TAFA1: variants seen among roughly 807,000 people sequenced by gnomAD.
The protein encoded by TAFA1 is TAFA chemokine like family member 1.
Under a neutral mutation model 18.5 loss-of-function variants are expected in TAFA1, and 4 were observed. The observed-to-expected ratio is 0.22, with a 90% CI of 0.11 to 0.49. The LOEUF (loss-of-function observed/expected upper bound fraction) is 0.49, where lower values mean the gene tolerates loss of function less well. Among genes scored for constraint, TAFA1 ranks in the 20% least tolerant of loss-of-function variants. The probability of loss-of-function intolerance (pLI) is 0.98; values close to 1 mark genes in which losing one functional copy is unlikely to be tolerated. For synonymous variants in TAFA1, 56 were observed against 55.2 expected (o/e 1.01, Z -0.06); for missense variants, 147 against 169.0 (o/e 0.87, Z 0.72).
rs2073427640 is a variant in TAFA1, at chr3:68,544,625, G to C, written c.*122G>C. 4.1e-6 allele frequency: 4 copies of C among 971,546 alleles called. No homozygotes were observed. The highest frequency in any genetic ancestry group is 4.8e-6 in the Non-Finnish European group (3 of 621,480). 60.2% of individuals were successfully genotyped at this position (971,546 alleles called of 1,614,324 possible). A position where few individuals can be genotyped will look rare whatever the true frequency, so the allele number is the denominator to read the frequency against. ...TTACTTGCACTTTGACTGGCTACCA[G>C]ATAATCACAGTGCGTTTACTGTGTG... is the stretch of plus-strand genomic sequence containing the variant. On this transcript the variant is annotated 3_prime_UTR_variant, in exon 5 of 5. Transcript: ENST00000478136.
At chr3:68,330,089 C>G (rs192737932) in intron 2 of TAFA1, among the ~76,000 whole-genome samples, 1 of 152,242 alleles carries the variant, frequency 6.6e-6, no homozygotes, top group Admixed American at 6.5e-5. Flanking sequence ...TGTATCAGTA[C>G]CACTTATATA....
At chr3:68,308,576 T>C (rs1311589067) in intron 2 of TAFA1, among the ~76,000 whole-genome samples, 1 of 152,172 alleles carries the variant, frequency 6.6e-6, no homozygotes, top group African/African-American at 2.4e-5. Flanking sequence ...TCTTATTTAC[T>C]ACTTTGTTCA....
intron 2 of TAFA1, among the ~76,000 whole-genome samples, chr3:68,202,503 C>G (rs1020100081): frequency 3.3e-5 from 5 of 151,622 alleles, no homozygotes; most frequent in African/African-American, 4.8e-5. Flanking sequence ...ATTCTCTCTC[C>G]TTTCTTTAGC....
chr3:68,180,760 G>T (rs2066188378), intron 2 of TAFA1, among the ~76,000 whole-genome samples: 1 of 151,422 alleles, frequency 6.6e-6, no homozygotes, highest in Non-Finnish European at 1.5e-5. Flanking sequence ...CACCTATGTG[G>T]TAGGCAGCTT....
chr3:68,351,043 G>T (rs1308538359), intron 2 of TAFA1, among the ~76,000 whole-genome samples: 2 of 152,108 alleles, frequency 1.3e-5, no homozygotes, highest in Non-Finnish European at 2.9e-5. Context: ...CCCACCTTTG[G>T]ATGCTCATTG....
chr3:68,232,776 T>C (rs1179651275), intron 2 of TAFA1, among the ~76,000 whole-genome samples: 1 of 152,096 alleles, frequency 6.6e-6, no homozygotes, highest in African/African-American at 2.4e-5. Flanking sequence ...TGGCTAATTT[T>C]TAATATTTGT....
intron 2 of TAFA1, among the ~76,000 whole-genome samples, chr3:68,137,276 A>AT (rs1175639676): frequency 1.3e-5 from 2 of 151,330 alleles, no homozygotes; most frequent in Non-Finnish European, 2.9e-5. Context: ...CAAAGGTTCT[A>AT]TTTTTTGTTG....
At chr3:68,099,396 G>GA (rs1266004323) in intron 2 of TAFA1, among the ~76,000 whole-genome samples, 2 of 151,990 alleles carry the variant, frequency 1.3e-5, no homozygotes, top group Non-Finnish European at 2.9e-5. Flanking sequence ...ACAAATATAT[G>GA]AAAAAAATGC....
At chr3:68,283,728 T>C (rs370620706) in intron 2 of TAFA1, among the ~76,000 whole-genome samples, 1 of 152,196 alleles carries the variant, frequency 6.6e-6, no homozygotes, top group Admixed American at 6.5e-5. Context: ...TTCCTAGCTA[T>C]CCTACCTCAC....
intron 2 of TAFA1, among the ~76,000 whole-genome samples, chr3:68,392,433 T>A (rs2070280819): frequency 6.6e-6 from 1 of 152,102 alleles, no homozygotes; most frequent in Non-Finnish European, 1.5e-5. Flanking sequence ...TACCCCACTG[T>A]CAATATCAGA....
rs2065847857 is a variant in TAFA1, at chr3:68,154,803, A to G, written c.118+148059A>G. On this transcript the variant is annotated intron_variant, in intron 2 of 4. Transcript: ENST00000478136. ...CACCCCACACACTTCTATTCTCCCCAGTGCCCTTGGGACATTGTTTAACTT... is the reference window on the plus strand; with the variant it reads ...CACCCCACACACTTCTATTCTCCCCGGTGCCCTTGGGACATTGTTTAACTT... Among the ~76,000 whole-genome samples the G allele has an allele frequency of 2.6e-5, 4 of 152,222 alleles. No homozygotes were observed. The South Asian group carries it at 8.3e-4, about 32-fold the overall frequency.
At chr3:68,528,834 G>C (rs1370030375) in intron 3 of TAFA1, among the ~76,000 whole-genome samples, 3 of 152,090 alleles carry the variant, frequency 2.0e-5, no homozygotes. Context: ...CTCTCACTTA[G>C]TGAAGAATTG....
At chr3:68,469,079 G>A (rs992321503) in intron 3 of TAFA1, among the ~76,000 whole-genome samples, 2 of 151,964 alleles carry the variant, frequency 1.3e-5, no homozygotes, top group African/African-American at 2.4e-5. Context: ...GCTGGCAAAG[G>A]CTTAAGAGGT....
chr3:68,349,374 A>G (rs2069223310), intron 2 of TAFA1, among the ~76,000 whole-genome samples: 1 of 152,040 alleles, frequency 6.6e-6, no homozygotes, highest in African/African-American at 2.4e-5. Flanking sequence ...ATATTCTCTT[A>G]TGAAAAGGTG....
At chr3:68,096,668 C>T (rs1445749527) in intron 2 of TAFA1, among the ~76,000 whole-genome samples, 1 of 152,086 alleles carries the variant, frequency 6.6e-6, no homozygotes, top group East Asian at 1.9e-4. Context: ...TATAGGACAA[C>T]AAAGCCTGTA....
At chr3:68,464,346 G>C (rs184198546) in intron 3 of TAFA1, among the ~76,000 whole-genome samples, 79 of 152,282 alleles carry the variant, frequency 5.2e-4, no homozygotes, top group African/African-American at 1.9e-3. Flanking sequence ...AACAAAACCA[G>C]GTAGAGAGAG....
intron 2 of TAFA1, among the ~76,000 whole-genome samples, chr3:68,159,773 C>A (rs553249780): frequency 6.6e-6 from 1 of 152,136 alleles, no homozygotes; most frequent in African/African-American, 2.4e-5. Flanking sequence ...TTTATGCCCA[C>A]GAAGACACCA....
chr3:68,029,585 C>T (rs1253216207), intron 2 of TAFA1, among the ~76,000 whole-genome samples: 1 of 152,120 alleles, frequency 6.6e-6, no homozygotes, highest in Non-Finnish European at 1.5e-5. Flanking sequence ...TCAAGTGAAG[C>T]CTGGGACCTC....
At chr3:68,483,541 A>T (rs932325521) in intron 3 of TAFA1, among the ~76,000 whole-genome samples, 2 of 152,202 alleles carry the variant, frequency 1.3e-5, no homozygotes, top group African/African-American at 4.8e-5. Context: ...CCCAGTTGTC[A>T]TGGGCAGAAT....
Sources: gnomAD v4.1 joint callset for allele counts (sites outside exome capture counted in the v4.1 genomes callset) on GRCh38, gnomAD v4.1.1 for gene constraint, MANE v1.5 for transcripts, NCBI Gene and HGNC (gene_info 2026-07-23, HGNC 2026-07-21) for gene names.